The following PDE1C variants were observed in gnomAD, a reference collection of about 807,000 sequenced individuals.
PDE1C encodes dual specificity calcium/calmodulin-dependent 3',5'-cyclic nucleotide phosphodiesterase 1C.
Under a neutral mutation model 93.1 loss-of-function variants are expected in PDE1C, and 62 were observed. That is an observed-to-expected ratio of 0.67 (90% CI 0.54 to 0.82). PDE1C has a LOEUF of 0.82. PDE1C is among the 40% of genes least tolerant of loss of function. The pLI is 0.00. For missense variants in PDE1C, 742 were observed against 884.6 expected (o/e 0.84, Z 2.04); for synonymous variants, 325 against 310.1 (o/e 1.05, Z -0.50).
chr7:31,700,576 A>G, the PDE1C span, among the ~76,000 whole-genome samples: 1 of 152,224 alleles, frequency 6.6e-6, no homozygotes, highest in Admixed American at 6.5e-5. Flanking sequence ...GGCTACACTA[A>G]ACAATAGTTT....
At chr7:31,693,092 G>T in the PDE1C span, among the ~76,000 whole-genome samples, 1 of 152,088 alleles carries the variant, frequency 6.6e-6, no homozygotes, top group South Asian at 2.1e-4. Context: ...TGGGCCTTTT[G>T]CCTATTCATA....
chr7:32,205,908 A>C (rs1197499113), intron 2 of PDE1C, among the ~76,000 whole-genome samples: 1 of 152,150 alleles, frequency 6.6e-6, no homozygotes, highest in Non-Finnish European at 1.5e-5. Context: ...TGAAAATCTT[A>C]AGGAACAAAC....
downstream of PDE1C, among the ~76,000 whole-genome samples, chr7:31,746,847 G>T (rs1379423455): frequency 6.6e-6 from 1 of 152,148 alleles, no homozygotes; most frequent in East Asian, 1.9e-4. Flanking sequence ...CCACAAGTTG[G>T]AGAAAGAGCC....
intron 1 of PDE1C, among the ~76,000 whole-genome samples, chr7:32,221,133 T>G (rs1806828319): frequency 1.3e-5 from 2 of 152,198 alleles, no homozygotes; most frequent in East Asian, 3.8e-4. Context: ...TTCTCCAAAC[T>G]GACAAGCCCA....
At chr7:32,195,112 A>G (rs1429675174) in intron 2 of PDE1C, among the ~76,000 whole-genome samples, 3 of 152,240 alleles carry the variant, frequency 2.0e-5, no homozygotes, top group Non-Finnish European at 4.4e-5. Flanking sequence ...CATTTAGAAC[A>G]TTATCAAATA....
At chr7:32,032,288 AAC>A (rs1790440323) in intron 2 of PDE1C, among the ~76,000 whole-genome samples, 1 of 152,124 alleles carries the variant, frequency 6.6e-6, no homozygotes, top group Admixed American at 6.5e-5. Context: ...TAAAGAGGAA[AAC>A]AAACCTACTT....
chr7:31,739,188 CA>C, the PDE1C span, among the ~76,000 whole-genome samples: 1 of 132,962 alleles, frequency 7.5e-6, no homozygotes, highest in Non-Finnish European at 1.6e-5. Flanking sequence ...TTGACGTCAG[CA>C]GTAACTTTTA....
At chr7:32,224,094 C>T (rs551000089) in intron 1 of PDE1C, among the ~76,000 whole-genome samples, 10 of 152,308 alleles carry the variant, frequency 6.6e-5, no homozygotes, top group South Asian at 4.1e-4. Flanking sequence ...CAGGCTTGGC[C>T]GGGCACAGTG....
At chr7:31,628,310 CAG>C in the PDE1C span, among the ~76,000 whole-genome samples, 2 of 152,092 alleles carry the variant, frequency 1.3e-5, no homozygotes, top group Non-Finnish European at 2.9e-5. Flanking sequence ...TAGAAGGTAA[CAG>C]GGGCAAGGAA....
At chr7:31,784,029 G>T (rs1180419492) in intron 16 of PDE1C, 1 of 152,144 alleles carries the variant, frequency 6.6e-6, no homozygotes, top group African/African-American at 2.4e-5. Flanking sequence ...GCTAGTCATT[G>T]GTTGAGGTTT....
At chr7:31,829,119 C>T (rs559455120) in intron 11 of PDE1C, among the ~76,000 whole-genome samples, 35 of 152,100 alleles carry the variant, frequency 2.3e-4, no homozygotes, top group Admixed American at 1.3e-4. Context: ...TGTCACCCTT[C>T]TTATAGTAGT....
rs56656517 is a variant in PDE1C, at chr7:32,271,896, G to C, written c.85+26755C>G. 2.6e-3 allele frequency among the ~76,000 whole-genome samples: 402 copies of C among 152,290 alleles called. 1 individual carries two copies. The highest frequency in any genetic ancestry group is 9.3e-3 in the African/African-American group (385 of 41,556). On this transcript the variant is annotated intron_variant, in intron 1 of 18. Transcript: ENST00000396193. ...GAAGATGCCATGAAGGGAAGACTTT[G>C]GGGAGATAAACTGGGCTGTCTTGCT...
chr7:32,022,914 C>G (rs1192626311), intron 2 of PDE1C, among the ~76,000 whole-genome samples: 1 of 151,452 alleles, frequency 6.6e-6, no homozygotes, highest in African/African-American at 2.4e-5. Context: ...TTCCTATTAC[C>G]AACACAATAA....
chr7:32,371,969 A>G (rs1466550295), intron 1 of PDE1C, among the ~76,000 whole-genome samples: 2 of 152,184 alleles, frequency 1.3e-5, no homozygotes, highest in East Asian at 3.8e-4. Flanking sequence ...AAGACAGTGC[A>G]GTACAGACAT....
chr7:32,383,835 C>T (rs553646119), intron 1 of PDE1C, among the ~76,000 whole-genome samples: 35 of 152,254 alleles, frequency 2.3e-4, no homozygotes, highest in African/African-American at 7.0e-4. Context: ...CTTTGGAGTC[C>T]GCTCCAACTC....
At position 32,009,859 on chromosome 7, in the gene PDE1C, T is replaced by C. The variant is rs563948554; in HGVS notation, c.128+41695A>G. The stretch of plus-strand genomic sequence containing the variant: ...AAGCCTTTAGGATATGAGATCATTA[T>C]ATAAAACTCAACTATATTTCTGGAT... On this transcript the variant is annotated intron_variant, in intron 2 of 17. Transcript: ENST00000396191. 2.0e-4 allele frequency among the ~76,000 whole-genome samples: 31 copies of C among 152,328 alleles called. No individual in the cohort carries two copies. In the South Asian group the frequency reaches 5.6e-3, roughly 27 times the overall value.
chr7:31,792,208 G>T (rs911511683), intron 16 of PDE1C, among the ~76,000 whole-genome samples: 1 of 152,004 alleles, frequency 6.6e-6, no homozygotes, highest in African/African-American at 2.4e-5. Context: ...ATACCCTAAG[G>T]TCCCTATATC....
intron 2 of PDE1C, among the ~76,000 whole-genome samples, chr7:31,984,577 G>GT (rs1326314637): frequency 6.6e-6 from 1 of 152,090 alleles, no homozygotes; most frequent in Non-Finnish European, 1.5e-5. Context: ...CCCTTTTTAT[G>GT]TTTTTTGAAC....
chr7:31,823,054 C>A lies in PDE1C; in HGVS notation c.1582+19G>T, dbSNP rs373471409. On this transcript the variant is annotated intron_variant, in intron 14 of 17. Coordinates refer to ENST00000396191, the MANE Select transcript of PDE1C (RefSeq NM_001191057.4). ...TTGTTTTATGCTGAATTGGTTTGGA[C>A]AGGTCTGTGGCATGTTACCTTTGGG... 1 of 1,589,296 alleles carries A rather than the reference C, an allele frequency of 6.3e-7. No homozygotes were observed. Among genetic ancestry groups the A allele is most frequent in the Non-Finnish European group, 8.6e-7 (1 of 1,167,532 alleles).
Sources: allele counts gnomAD v4.1 joint callset (sites outside exome capture counted in the v4.1 genomes callset), GRCh38; gene constraint gnomAD v4.1.1; transcripts MANE v1.5; gene names NCBI Gene and HGNC (gene_info 2026-07-23, HGNC 2026-07-21).